GHITM: variants seen among roughly 807,000 people sequenced by gnomAD.
GHITM encodes growth hormone inducible transmembrane protein.
Under a neutral mutation model 38.7 loss-of-function variants are expected in GHITM, and 24 were observed. The observed-to-expected ratio is 0.62, with a 90% CI of 0.45 to 0.87. The LOEUF (loss-of-function observed/expected upper bound fraction) is 0.87, where lower values mean the gene tolerates loss of function less well. GHITM is among the 40% of genes least tolerant of loss of function. GHITM has a pLI of 0.00. For synonymous variants in GHITM, 154 were observed against 147.8 expected (o/e 1.04, Z -0.30); for missense variants, 420 against 429.8 (o/e 0.98, Z 0.20).
At position 84,144,059 on chromosome 10, in the gene GHITM, C is replaced by T. The variant is rs1589275040; in HGVS notation, c.294C>T (p.Tyr98=). 1 of 1,614,000 alleles carries T rather than the reference C, an allele frequency of 6.2e-7. No individual in the cohort carries two copies. The highest frequency in any genetic ancestry group is 8.5e-7 in the Non-Finnish European group (1 of 1,179,882). ...CTGTTGGTCTTGGAGCATTGTGCTA[C>T]TATGGCTTGGGACTGTCTAATGAGA... ...GAAVGLGALC[Y]YGLGLSNEIG... The change falls in exon 4 of 9, where the codon TAC becomes TAT. Residue 98 remains tyrosine, a synonymous_variant. Transcript: ENST00000372134.
intron 5 of GHITM, among the ~76,000 whole-genome samples, chr10:84,145,650 A>C (rs1344137231): frequency 6.6e-6 from 1 of 152,248 alleles, no homozygotes; most frequent in African/African-American, 2.4e-5. Flanking sequence ...TCTTGACCTT[A>C]TAGAAGATTT....
intron 5 of GHITM, among the ~76,000 whole-genome samples, chr10:84,146,218 A>G (rs1197544477): frequency 6.6e-6 from 1 of 152,218 alleles, no homozygotes; most frequent in East Asian, 1.9e-4. Flanking sequence ...AGACGTGGTT[A>G]GAAAGGATAC....
At chr10:84,143,537 C>T (rs947415955) in intron 3 of GHITM, among the ~76,000 whole-genome samples, 5 of 152,202 alleles carry the variant, frequency 3.3e-5, no homozygotes, top group Non-Finnish European at 7.3e-5. Flanking sequence ...GATTCTGCTG[C>T]ATAAACACTG....
At chr10:84,146,464 C>T (rs1349696803) in intron 5 of GHITM, among the ~76,000 whole-genome samples, 1 of 152,098 alleles carries the variant, frequency 6.6e-6, no homozygotes, top group Non-Finnish European at 1.5e-5. Context: ...CACATAGGGA[C>T]GAAAACCATA....
At chr10:84,151,050 CAGA>C (rs1239114967) in intron 8 of GHITM, among the ~76,000 whole-genome samples, 170 bp downstream of exon 8, 20 of 152,120 alleles carry the variant, frequency 1.3e-4, no homozygotes, top group Admixed American at 1.2e-3. Flanking sequence ...TTCTGGAGGC[CAGA>C]AATCTAAAAT....
chr10:84,148,421 C>T (rs1202785175), intron 5 of GHITM, among the ~76,000 whole-genome samples: 1 of 152,166 alleles, frequency 6.6e-6, no homozygotes, highest in Admixed American at 6.5e-5. Flanking sequence ...CTCAGCCTCC[C>T]AAGTAGCTGG....
chr10:84,143,904 A>G, intron 3 of GHITM, 91 bp from the exon 4 acceptor site: 2 of 907,126 alleles, frequency 2.2e-6, no homozygotes, highest in South Asian at 2.7e-5. Context: ...TCTATTAAAT[A>G]TGGTACATGA....
In GHITM at chr10:84,144,973, G is replaced by C. The variant is rs775598961; in HGVS notation, c.440G>C (p.Arg147Thr). 1.2e-6 allele frequency: 2 copies of C among 1,613,010 alleles called. No homozygotes were observed. The highest frequency in any genetic ancestry group is 3.3e-5 in the Admixed American group (2 of 59,960). ...LTALSAIAISRTPVLMNFMMR... is the reference protein window; with the variant it reads ...LTALSAIAISTTPVLMNFMMR... ...GCTTTGTCTGCCATAGCAATCAGCA[G>C]AACGCCTGTTCTCATGAACTTCATG... is the stretch of plus-strand genomic sequence containing the variant. Residue 147 changes from arginine to threonine, a missense_variant, in exon 5 of 9, where the codon AGA becomes ACA. Arg to Thr is a moderately conservative substitution (Grantham distance 71). Coordinates refer to ENST00000372134, the MANE Select transcript of GHITM (RefSeq NM_014394.3).
intron 8 of GHITM, among the ~76,000 whole-genome samples, chr10:84,151,999 TG>T (rs773714114): frequency 2.0e-5 from 3 of 152,200 alleles, no homozygotes; most frequent in African/African-American, 4.8e-5. Flanking sequence ...TAGTTTTCTT[TG>T]CAAGTTGATA....
At chr10:84,144,550 C>T (rs1841539321) in intron 4 of GHITM, among the ~76,000 whole-genome samples, 1 of 152,120 alleles carries the variant, frequency 6.6e-6, no homozygotes, top group African/African-American at 2.4e-5. Flanking sequence ...GACGGGGTTT[C>T]ACCATTTTGG....
At chr10:84,141,205 T>G (rs569893003) in intron 1 of GHITM, among the ~76,000 whole-genome samples, 2 of 152,256 alleles carry the variant, frequency 1.3e-5, no homozygotes, top group Non-Finnish European at 2.9e-5. Flanking sequence ...GTCATCTATT[T>G]TGATTGGTCA....
intron 2 of GHITM, 80 bp from the exon 3 acceptor site, chr10:84,142,575 G>T: frequency 1.2e-6 from 1 of 835,338 alleles, no homozygotes; most frequent in Non-Finnish European, 1.9e-6. Flanking sequence ...GTTTTCTAGT[G>T]TAAAGGGATC....
At chr10:84,146,921 G>T (rs1841562086) in intron 5 of GHITM, among the ~76,000 whole-genome samples, 1 of 152,202 alleles carries the variant, frequency 6.6e-6, no homozygotes, top group African/African-American at 2.4e-5. Flanking sequence ...TTTGTCCCAA[G>T]TGCATCTGAG....
intron 3 of GHITM, 97 bp from the exon 4 acceptor site, chr10:84,143,898 T>A: frequency 1.1e-6 from 1 of 887,666 alleles, no homozygotes. Context: ...ATGGCTTCTA[T>A]TAAATATGGT....
At chr10:84,150,355 T>G (rs1447725407) in intron 7 of GHITM, 112 bp downstream of exon 7, 1 of 874,044 alleles carries the variant, frequency 1.1e-6, no homozygotes, top group Non-Finnish European at 1.7e-6. Flanking sequence ...TTTTAAAGAT[T>G]TATGCTAATT....
intron 6 of GHITM, 147 bp from the exon 7 acceptor site, chr10:84,149,908 G>T: frequency 2.0e-6 from 1 of 489,940 alleles, no homozygotes; most frequent in Non-Finnish European, 3.3e-6. Flanking sequence ...TGTAGAATTT[G>T]GTGGGGGTAG....
intron 8 of GHITM, 76 bp from the exon 9 acceptor site, chr10:84,152,188 C>T (rs1282609348): frequency 3.5e-5 from 24 of 677,178 alleles, no homozygotes; most frequent in Non-Finnish European, 5.8e-5. Flanking sequence ...TAGTATTTTT[C>T]TTCTTTTCTA....
Position 84,150,219 on chromosome 10 carries a change from G to C in GHITM, c.757G>C (p.Gly253Arg). The C allele has an allele frequency of 6.2e-7, 1 of 1,609,554 alleles. No individual in the cohort carries two copies. The highest frequency in any genetic ancestry group is 8.5e-7 in the Non-Finnish European group (1 of 1,177,816). ...GGGTGCACCCCTGGGAGTGGGCCTGGGTCTCGTCTTTGTGTCCTCATTGGG... is the reference window on the plus strand; with the variant it reads ...GGGTGCACCCCTGGGAGTGGGCCTGCGTCTCGTCTTTGTGTCCTCATTGGG... Reference protein sequence around the residue: ...NMGAPLGVGLGLVFVSSLGSM... With the variant: ...NMGAPLGVGLRLVFVSSLGSM... Residue 253 changes from glycine (G) to arginine (R), a missense_variant, in exon 7 of 9, where the codon GGT becomes CGT. Gly to Arg is a moderately radical substitution (Grantham distance 125, BLOSUM62 -2). Coordinates refer to ENST00000372134, the MANE Select transcript of GHITM (RefSeq NM_014394.3).
At chr10:84,146,763 C>T (rs756461736) in intron 5 of GHITM, among the ~76,000 whole-genome samples, 6 of 152,196 alleles carry the variant, frequency 3.9e-5, no homozygotes, top group Non-Finnish European at 8.8e-5. Context: ...TCAGTCCCTT[C>T]TGGGCAAAAG....
Sources: allele counts gnomAD v4.1 joint callset (sites outside exome capture counted in the v4.1 genomes callset), GRCh38; gene constraint gnomAD v4.1.1; transcripts MANE v1.5; gene names NCBI Gene and HGNC (gene_info 2026-07-23, HGNC 2026-07-21).